Variants in KIF23 observed in about 807,000 individuals in gnomAD.
KIF23 encodes kinesin-like protein KIF23.
A neutral mutation model predicts 137.5 loss-of-function variants in KIF23; 30 were observed. The ratio of observed to expected loss-of-function variants is 0.22; its 90% CI spans 0.16 to 0.30. KIF23 has a LOEUF of 0.30. Among genes scored for constraint, KIF23 ranks in the 10% least tolerant of loss-of-function variants. The pLI is 1.00. For synonymous variants in KIF23, 367 were observed against 391.1 expected (o/e 0.94, Z 0.73); for missense variants, 920 against 1,194.3 (o/e 0.77, Z 3.38).
At chr15:69,441,674 A>G (rs545897550) in intron 19 of KIF23, among the ~76,000 whole-genome samples, 2 of 142,494 alleles carry the variant, frequency 1.4e-5, no homozygotes, top group Admixed American at 1.5e-4. Flanking sequence ...ACATTGTACT[A>G]CCTAGCCACA....
intron 7 of KIF23, among the ~76,000 whole-genome samples, chr15:69,424,786 G>A (rs753580349): frequency 6.6e-6 from 1 of 152,222 alleles, no homozygotes; most frequent in Non-Finnish European, 1.5e-5. Context: ...GGGATTACAA[G>A]TGTGAGCCAC....
chr15:69,421,567 C>A, intron 3 of KIF23, 80 bp from the exon 4 acceptor site: 2 of 845,148 alleles, frequency 2.4e-6, no homozygotes, highest in South Asian at 1.6e-5. Context: ...ATGTCATAAA[C>A]ACCTTAAGTT....
rs371279846 is a variant in KIF23 at position 69,423,165 on chromosome 15, A to C, written c.570A>C (p.Gln190His). 16 of 1,581,702 alleles carry C rather than the reference A, an allele frequency of 1.0e-5. No homozygotes were observed. Among genetic ancestry groups the C allele is most frequent in the Non-Finnish European group, 1.4e-5 (16 of 1,164,578 alleles). ...TGAACTTTTCTTTTTTTAGACGACA[A>C]GTAGATCCAGAGTTTGCAGATATGA... is the stretch of plus-strand genomic sequence containing the variant. ...PNPKTSSSKR[Q>H]VDPEFADMIT... The change falls in exon 7 of 24, where the codon CAA (glutamine) becomes CAC (histidine). Residue 190 changes from glutamine (Q) to histidine (H), a missense_variant. This residue lies in a region of KIF23 where 714 missense variants were observed against 866.2 expected (regional missense o/e 0.82). Transcript: ENST00000679126.
intron 22 of KIF23, 51 bp downstream of exon 22, chr15:69,446,415 G>GT: frequency 1.4e-6 from 2 of 1,411,756 alleles, no homozygotes; most frequent in South Asian, 2.3e-5. Flanking sequence ...GGTTTGTCAT[G>GT]TTTTAAACCC....
intron 11 of KIF23, chr15:69,434,597 G>A (rs1567070759): frequency 7.9e-6 from 10 of 1,262,242 alleles, no homozygotes; most frequent in African/African-American, 1.5e-5. Flanking sequence ...TTCTTCCAAG[G>A]TCATGATCTT....
In KIF23 at chr15:69,440,443, C is replaced by A; in HGVS notation, c.2065C>A (p.Arg689=). The A allele has an allele frequency of 6.2e-7, 1 of 1,612,728 alleles. No homozygotes were observed. The change falls in exon 18 of 24, where the codon CGA becomes AGA. Residue 689 remains arginine, a synonymous_variant. Coordinates refer to ENST00000679126, the MANE Select transcript of KIF23 (RefSeq NM_001367805.3). The part of the protein sequence containing the change: ...KPERPSRERD[R]EKVTQRSVSP... ...AGAGAGACCCTCTCGGGAGCGAGAT[C>A]GAGAAAAAGTTACTCAAAGATCTGT...
chr15:69,436,170 A>G lies in KIF23; in HGVS notation c.1347A>G (p.Glu449=), dbSNP rs1181420888. Residue 449 remains glutamate, a synonymous_variant, in exon 14 of 24, where the codon GAA becomes GAG. Coordinates refer to ENST00000679126, the MANE Select transcript of KIF23 (RefSeq NM_001367805.3). The part of the protein sequence containing the change: ...QVMRFAEVTQ[E]VEVARPVDKA... ...TGAGATTTGCGGAAGTGACTCAAGA[A>G]GTTGAAGTAGCAAGACCTGTAGACA... is the stretch of plus-strand genomic sequence containing the variant. 6.2e-7 allele frequency: 1 copy of G among 1,613,914 alleles called. No individual in the cohort carries two copies. The highest frequency in any genetic ancestry group is 8.5e-7 in the Non-Finnish European group (1 of 1,179,942).
chr15:69,436,063 C>A (rs561439984), intron 13 of KIF23, 75 bp from the exon 14 acceptor site: 2 of 1,551,710 alleles, frequency 1.3e-6, no homozygotes, highest in Non-Finnish European at 1.8e-6. Context: ...AATAAGCAAT[C>A]TTTGCTTCAT....
intron 19 of KIF23, 112 bp downstream of exon 19, chr15:69,441,191 A>G: frequency 2.1e-6 from 2 of 945,510 alleles, no homozygotes; most frequent in South Asian, 3.7e-5. Context: ...TAGTATAAAG[A>G]AGGTCTAATT....
chr15:69,442,499 T>C (rs2057645133), intron 19 of KIF23, among the ~76,000 whole-genome samples: 1 of 152,214 alleles, frequency 6.6e-6, no homozygotes, highest in South Asian at 2.1e-4. Context: ...AGGGTATAGA[T>C]GAATGTTCAT....
chr15:69,447,816 T>A lies in KIF23; in HGVS notation c.*9T>A. Reference sequence around the variant, plus strand: ...GGCGCAAAAAGCCATGAACTGACAGTCCCAGTACTGAAAGAACATTTTCAT... The same window carrying A: ...GGCGCAAAAAGCCATGAACTGACAGACCCAGTACTGAAAGAACATTTTCAT... On this transcript the variant is annotated 3_prime_UTR_variant, in exon 24 of 24. Transcript: ENST00000679126. 1 of 1,606,230 alleles carries A rather than the reference T, an allele frequency of 6.2e-7. No individual in the cohort carries two copies. Among genetic ancestry groups the A allele is most frequent in the Non-Finnish European group, 8.5e-7 (1 of 1,174,224 alleles).
intron 3 of KIF23, among the ~76,000 whole-genome samples, chr15:69,419,922 G>A (rs1162816366): frequency 1.3e-5 from 2 of 152,126 alleles, no homozygotes; most frequent in Admixed American, 6.6e-5. Context: ...GTTTGATGGG[G>A]ATTAAAAATA....
intron 14 of KIF23, 21 bp from the exon 15 acceptor site, chr15:69,436,543 A>G: frequency 6.3e-7 from 1 of 1,577,102 alleles, no homozygotes; most frequent in Non-Finnish European, 8.6e-7. Context: ...ACTTTTTGTA[A>G]TTTTCTATAA....
Position 69,416,026 on chromosome 15 carries a change from A to C in KIF23, c.44A>C (p.Lys15Thr). The change falls in exon 2 of 24, where the codon AAA (lysine) becomes ACA (threonine). Residue 15 changes from lysine to threonine, a missense_variant. Around this residue, in one of 4 missense-constraint regions of KIF23, gnomAD observed 124 missense variants for 122.0 expected, o/e 1.02. Coordinates refer to ENST00000679126, the MANE Select transcript of KIF23 (RefSeq NM_001367805.3). ...RAKTPRKPTV[K>T]KGSQTNLKDP... ...AAGACACCCCGGAAACCTACCGTGA[A>C]AAAAGGGTCCCAAACGAACCTTAAA... The C allele has an allele frequency of 1.9e-6, 3 of 1,580,300 alleles. No homozygotes were observed. The highest frequency in any genetic ancestry group is 2.6e-6 in the Non-Finnish European group (3 of 1,170,456).
At chr15:69,434,509 G>A (rs1305943880) in intron 11 of KIF23, 17 of 713,224 alleles carry the variant, frequency 2.4e-5, no homozygotes, top group Admixed American at 7.5e-5. Flanking sequence ...TGACCACGCC[G>A]TGTATGCCAG....
chr15:69,446,225 T>G, intron 21 of KIF23, 58 bp from the exon 22 acceptor site: 1 of 1,512,210 alleles, frequency 6.6e-7, no homozygotes. Flanking sequence ...CTACTTCTAA[T>G]ATTTTTCCTC....
chr15:69,426,422 G>A lies in KIF23; in HGVS notation c.976G>A (p.Ala326Thr), dbSNP rs1417305034. 2 of 1,613,956 alleles carry A rather than the reference G, an allele frequency of 1.2e-6. No homozygotes were observed. The highest frequency in any genetic ancestry group is 1.7e-6 in the Non-Finnish European group (2 of 1,179,982). Reference sequence around the variant, plus strand: ...CGTGTTCAACATTAAATTAGTTCAGGCTCCCTTGGATGCAGATGGAGACAA... The same window carrying A: ...CGTGTTCAACATTAAATTAGTTCAGACTCCCTTGGATGCAGATGGAGACAA... ...HSVFNIKLVQ[A>T]PLDADGDNVL... Residue 326 changes from alanine (A) to threonine (T), a missense_variant, in exon 10 of 24, where the codon GCT becomes ACT. Coordinates refer to ENST00000679126, the MANE Select transcript of KIF23 (RefSeq NM_001367805.3).
At chr15:69,428,521 A>G (rs956395988) in intron 10 of KIF23, among the ~76,000 whole-genome samples, 8 of 151,280 alleles carry the variant, frequency 5.3e-5, no homozygotes, top group Admixed American at 4.6e-4. Context: ...TGAGCTGGGC[A>G]TGGTGGCACA....
At chr15:69,425,426 G>C (rs2057165285) in intron 8 of KIF23, 103 bp downstream of exon 8, 1 of 1,018,602 alleles carries the variant, frequency 9.8e-7, no homozygotes, top group Non-Finnish European at 1.5e-6. Context: ...CATTGTCACT[G>C]GGCTGGCTGC....
Sources: allele counts gnomAD v4.1 joint callset (sites outside exome capture counted in the v4.1 genomes callset), GRCh38; gene constraint gnomAD v4.1.1; regional missense constraint gnomAD v4.1.1; transcripts MANE v1.5; gene names NCBI Gene and HGNC (gene_info 2026-07-23, HGNC 2026-07-21).